HEMK1: variants seen among roughly 807,000 people sequenced by gnomAD.
The protein encoded by HEMK1 is HemK methyltransferase 1, mitochondrial release factors N(5)-glutamine.
A neutral mutation model predicts 47.9 loss-of-function variants in HEMK1; 36 were observed. The ratio of observed to expected loss-of-function variants is 0.75; its 90% CI spans 0.58 to 0.99. The LOEUF (loss-of-function observed/expected upper bound fraction) is 0.99, where lower values mean the gene tolerates loss of function less well. Ranked by LOEUF, HEMK1 falls within the 50% of genes least tolerant of loss-of-function variation. The pLI is 0.00. For synonymous variants in HEMK1, 153 were observed against 165.4 expected (o/e 0.93, Z 0.57); for missense variants, 383 against 434.5 (o/e 0.88, Z 1.05).
At position 50,571,021 on chromosome 3, in the gene HEMK1, C is replaced by T. The variant is rs1700891908; in HGVS notation, c.-84C>T. ...TCTCCACCCAGCTGGGTCCAGGGGC[C>T]ACTCTCAGCACTCACCTCAGCAGCT... is the stretch of plus-strand genomic sequence containing the variant. On this transcript the variant is annotated 5_prime_UTR_variant, in exon 2 of 11. Transcript: ENST00000232854. 4.7e-6 allele frequency: 5 copies of T among 1,061,082 alleles called. No individual in the cohort carries two copies. The Admixed American group carries it at 1.0e-4, about 21-fold the overall frequency. 65.7% of individuals were successfully genotyped at this position (1,061,082 alleles called of 1,614,324 possible). A position where few individuals can be genotyped will look rare whatever the true frequency, so the allele number is the denominator to read the frequency against.
intron 4 of HEMK1, among the ~76,000 whole-genome samples, chr3:50,576,367 C>T (rs1355943882): frequency 6.6e-6 from 1 of 152,212 alleles, no homozygotes; most frequent in African/African-American, 2.4e-5. Context: ...AGGGTCAGGC[C>T]AGAGGGAGTG....
chr3:50,580,156 G>C lies in HEMK1; in HGVS notation c.907G>C (p.Val303Leu), dbSNP rs2030569755. ...AGTGGACCCAAGGCACCCGGAGCTT[G>C]TCAGCAGCTGGCTTCAGAGCCGGCC... ...LEVDPRHPEL[V>L]SSWLQSRPDL... The change falls in exon 10 of 11, where the codon GTC becomes CTC. Residue 303 changes from valine (V) to leucine (L), a missense_variant. Val to Leu is a conservative substitution (Grantham distance 32, BLOSUM62 1). Coordinates refer to ENST00000232854, the MANE Select transcript of HEMK1 (RefSeq NM_016173.5). The C allele has an allele frequency of 6.8e-6, 11 of 1,614,198 alleles. No individual in the cohort carries two copies. The highest frequency in any genetic ancestry group is 9.3e-6 in the Non-Finnish European group (11 of 1,180,036).
intron 3 of HEMK1, 58 bp from the exon 4 acceptor site, chr3:50,572,057 C>A: frequency 6.2e-7 from 1 of 1,608,880 alleles, no homozygotes. Context: ...TCAACCCAGG[C>A]ATGGTCCTGT....
chr3:50,579,782 C>G, intron 8 of HEMK1, 62 bp from the exon 9 acceptor site: 2 of 1,203,054 alleles, frequency 1.7e-6, no homozygotes, highest in Non-Finnish European at 2.4e-6. Context: ...CTTGCCCATG[C>G]CCTCCATGCA....
intron 4 of HEMK1, 68 bp downstream of exon 4, chr3:50,572,276 A>T: frequency 6.4e-7 from 1 of 1,558,190 alleles, no homozygotes; most frequent in Non-Finnish European, 8.7e-7. Flanking sequence ...GTCTTACCCC[A>T]GGCTTCCTCC....
chr3:50,591,682 G>GTGTGTGTGTGTGTGTT lies in HEMK1; in HGVS notation c.*11278_*11293dup, dbSNP rs2031730518. On this transcript the variant is annotated 3_prime_UTR_variant, in exon 11 of 11. Coordinates refer to ENST00000232854, the MANE Select transcript of HEMK1 (RefSeq NM_016173.5). ...CATGCACGTGTGTGTGTGTGTGTGT[G>GTGTGTGTGTGTGTGTT]TGTGTGTGTGTGTGTTTGTGTGTGT... 1 of 152,992 alleles carries GTGTGTGTGTGTGTGTT rather than the reference G, an allele frequency of 6.5e-6. No individual in the cohort carries two copies. The highest frequency in any genetic ancestry group is 2.4e-5 in the African/African-American group (1 of 41,406). 9.5% of individuals were successfully genotyped at this position (152,992 alleles called of 1,614,324 possible).
At chr3:50,578,975 G>A (rs1486759103) in intron 8 of HEMK1, 49 bp downstream of exon 8, 3 of 1,379,510 alleles carry the variant, frequency 2.2e-6, no homozygotes, top group Non-Finnish European at 3.0e-6. Flanking sequence ...AGGCCTGATG[G>A]GATTAGTCTG....
In HEMK1 at chr3:50,571,680, G is replaced by A. The variant is rs139891423; in HGVS notation, c.229-30G>A. The A allele has an allele frequency of 7.3e-3, 11,740 of 1,608,704 alleles. 63 individuals are homozygous for A. Among genetic ancestry groups the A allele is most frequent in the Middle Eastern group, 0.01 (62 of 6,054 alleles). On this transcript the variant is annotated intron_variant, in intron 2 of 10. Coordinates refer to ENST00000232854, the MANE Select transcript of HEMK1 (RefSeq NM_016173.5). ...GGGTTGGGGGCCTTGGGCCCAGTGA[G>A]CCAGCCACTTATATTCTCTGTGGGG...
chr3:50,580,565 C>G lies in HEMK1; in HGVS notation c.*148C>G, dbSNP rs1039244431. ...GCATTTCTAGGATATTTCTAGGACACCTGGATTGGCTCCATCACATCAGAG... is the reference window on the plus strand; with the variant it reads ...GCATTTCTAGGATATTTCTAGGACAGCTGGATTGGCTCCATCACATCAGAG... On this transcript the variant is annotated 3_prime_UTR_variant, in exon 11 of 11. Coordinates refer to ENST00000232854, the MANE Select transcript of HEMK1 (RefSeq NM_016173.5). 3 of 803,778 alleles carry G rather than the reference C, an allele frequency of 3.7e-6. No individual in the cohort carries two copies. The Admixed American group carries it at 7.4e-5, about 20-fold the overall frequency. 49.8% of individuals were successfully genotyped at this position (803,778 alleles called of 1,614,324 possible).
chr3:50,578,031 G>A (rs984805524), intron 7 of HEMK1, among the ~76,000 whole-genome samples, 156 bp downstream of exon 7: 11 of 152,204 alleles, frequency 7.2e-5, no homozygotes, highest in Admixed American at 7.2e-4. Flanking sequence ...CACGTTTGTG[G>A]CAGCTCAAAC....
At position 50,585,348 on chromosome 3, in the gene HEMK1, C is replaced by G. The variant is rs1429307184; in HGVS notation, c.*4931C>G. 3 of 152,300 alleles carry G rather than the reference C, an allele frequency of 2.0e-5. No homozygotes were observed. Among genetic ancestry groups the G allele is most frequent in the African/African-American group, 7.2e-5 (3 of 41,444 alleles). The allele number at this position is 152,300 out of a possible 1,614,324, so 9.4% of individuals were successfully genotyped here. The stretch of plus-strand genomic sequence containing the variant: ...CTGACTTTGAGCTAATGGGCCTGGC[C>G]CCTCCATGTAAGCCATAGGCCTGAG... On this transcript the variant is annotated 3_prime_UTR_variant, in exon 11 of 11. Transcript: ENST00000232854.
In HEMK1 at chr3:50,580,200, T is replaced by A. The variant is rs764096638; in HGVS notation, c.951T>A (p.Leu317=). The A allele has an allele frequency of 6.2e-7, 1 of 1,614,160 alleles. No homozygotes were observed. Among genetic ancestry groups the A allele is most frequent in the East Asian group, 2.2e-5 (1 of 44,884 alleles). Residue 317 remains leucine, a synonymous_variant, in exon 10 of 11, where the codon CTT becomes CTA. Coordinates refer to ENST00000232854, the MANE Select transcript of HEMK1 (RefSeq NM_016173.5). ...GCCGGCCTGACCTGTACCTTAATCT[T>A]GTGGCTGTGCGCAGGGACTTCTGTG... ...LQSRPDLYLN[L]VAVRRDFCGR... is the part of the protein sequence containing the mutation.
Position 50,585,525 on chromosome 3 carries a change from A to G in HEMK1, c.*5108A>G, listed in dbSNP as rs1201970366. ...TAGGACCTCCCTTTCCAGGGGTACTAAAGGACTCTGGAGACACCATCCCAC... is the reference window on the plus strand; with the variant it reads ...TAGGACCTCCCTTTCCAGGGGTACTGAAGGACTCTGGAGACACCATCCCAC... On this transcript the variant is annotated 3_prime_UTR_variant, in exon 11 of 11. Transcript: ENST00000232854. 1 of 152,240 alleles carries G rather than the reference A, an allele frequency of 6.6e-6. No individual in the cohort carries two copies. The highest frequency in any genetic ancestry group is 1.5e-5 in the Non-Finnish European group (1 of 68,088). 9.4% of individuals were successfully genotyped at this position (152,240 alleles called of 1,614,324 possible).
At chr3:50,574,066 C>T (rs1358121344) in intron 4 of HEMK1, among the ~76,000 whole-genome samples, 1 of 152,200 alleles carries the variant, frequency 6.6e-6, no homozygotes, top group East Asian at 1.9e-4. Context: ...TCTGCCCAGG[C>T]CTTGGGCCAG....
In HEMK1 at chr3:50,580,449, C is replaced by T. The variant is rs761889681; in HGVS notation, c.*32C>T. On this transcript the variant is annotated 3_prime_UTR_variant, in exon 11 of 11. Coordinates refer to ENST00000232854, the MANE Select transcript of HEMK1 (RefSeq NM_016173.5). ...TGCCCTGTGGATGCCTTGTCAGTGC[C>T]GCCAGCCTGACCAGAGGGGAGGTGG... The T allele has an allele frequency of 5.6e-6, 9 of 1,612,202 alleles. No individual in the cohort carries two copies. The highest frequency in any genetic ancestry group is 2.2e-5 in the East Asian group (1 of 44,894).
At chr3:50,576,750 G>A (rs529584452) in intron 4 of HEMK1, among the ~76,000 whole-genome samples, 1 of 152,222 alleles carries the variant, frequency 6.6e-6, no homozygotes, top group South Asian at 2.1e-4. Flanking sequence ...GAGGATGTCT[G>A]TAAAGGGCTT....
At chr3:50,576,921 A>T in intron 4 of HEMK1, 131 bp from the exon 5 acceptor site, 1 of 1,088,176 alleles carries the variant, frequency 9.2e-7, no homozygotes, top group Non-Finnish European at 1.4e-6. Context: ...GCCCCAGCTG[A>T]CATGAAGGTC....
rs1575949578 is a variant in HEMK1 at position 50,579,765 on chromosome 3, T to C, written c.771-79T>C. Reference sequence around the variant, plus strand: ...TGTAAGTTCCACAGGGCCCCATTCATGGAGGCCTTGCCCATGCCCTCCATG... The same window carrying C: ...TGTAAGTTCCACAGGGCCCCATTCACGGAGGCCTTGCCCATGCCCTCCATG... On this transcript the variant is annotated intron_variant, in intron 8 of 10. Coordinates refer to ENST00000232854, the MANE Select transcript of HEMK1 (RefSeq NM_016173.5). 3.9e-6 allele frequency: 4 copies of C among 1,028,352 alleles called. No individual in the cohort carries two copies. In the East Asian group the frequency reaches 7.2e-5, roughly 19 times the overall value. The allele number at this position is 1,028,352 out of a possible 1,614,324, so 63.7% of individuals were successfully genotyped here. A position where few individuals can be genotyped will look rare whatever the true frequency, so the allele number is the denominator to read the frequency against.
At position 50,595,659 on chromosome 3, in the gene HEMK1, TAGG is replaced by T. The variant is rs2031938467; in HGVS notation, c.*15245_*15247del. 2 of 152,324 alleles carry T rather than the reference TAGG, an allele frequency of 1.3e-5. No homozygotes were observed. The highest frequency in any genetic ancestry group is 4.1e-4 in the South Asian group (2 of 4,826). The allele number at this position is 152,324 out of a possible 1,614,324, so 9.4% of individuals were successfully genotyped here. On this transcript the variant is annotated 3_prime_UTR_variant, in exon 11 of 11. Transcript: ENST00000232854. ...GCCTCTACTGGCAAGTGTGCAGAAATAGGAGAGAACCATGGGGAATTGTCTCTC... is the reference window on the plus strand; with the variant it reads ...GCCTCTACTGGCAAGTGTGCAGAAATAGAGAACCATGGGGAATTGTCTCTC...
Sources: gnomAD v4.1 joint callset for allele counts (sites outside exome capture counted in the v4.1 genomes callset) on GRCh38, gnomAD v4.1.1 for gene constraint, MANE v1.5 for transcripts, NCBI Gene and HGNC (gene_info 2026-07-23, HGNC 2026-07-21) for gene names.